UMAD1: variants seen among roughly 807,000 people sequenced by gnomAD.
UMAD1 encodes the protein UBAP1-MVB12-associated (UMA)-domain containing protein 1.
In UMAD1, 8 loss-of-function variants were observed where a neutral mutation model predicts 6.1. The observed-to-expected ratio is 1.30, with a 90% CI of 0.76 to 2.35. UMAD1 has a LOEUF of 2.35. UMAD1 is among the 30% of genes most tolerant of loss of function. The probability of loss-of-function intolerance (pLI) is 0.00; values close to 1 mark genes in which losing one functional copy is unlikely to be tolerated. For missense variants in UMAD1, 130 were observed against 78.4 expected, an observed-to-expected ratio of 1.66 and a Z score of -2.49; for synonymous variants, 56 against 31.4, an observed-to-expected ratio of 1.78 and a Z score of -2.61.
At chr7:7,760,100 G>A (rs1439562724) in intron 2 of UMAD1, among the ~76,000 whole-genome samples, 1 of 152,052 alleles carries the variant, frequency 6.6e-6, no homozygotes, top group Admixed American at 6.6e-5. Flanking sequence ...CTTGGAGCCC[G>A]GAGCCACCAT....
chr7:7,794,496 G>T (rs140022123), intron 2 of UMAD1, among the ~76,000 whole-genome samples: 141 of 152,276 alleles, frequency 9.3e-4, no homozygotes, highest in Admixed American at 1.8e-3. Flanking sequence ...CCCCCTCTGG[G>T]CCTCAAAAAC....
intron 3 of UMAD1, among the ~76,000 whole-genome samples, chr7:7,805,036 G>A (rs1323212956): frequency 2.6e-5 from 4 of 151,948 alleles, no homozygotes; most frequent in Admixed American, 6.6e-5. Context: ...ACTGCTGAAC[G>A]CTCGCTACCC....
At chr7:7,844,638 AT>A (rs1783750154) in intron 3 of UMAD1, among the ~76,000 whole-genome samples, 2 of 151,950 alleles carry the variant, frequency 1.3e-5, no homozygotes, top group African/African-American at 4.8e-5. Context: ...TCTTTTTTCC[AT>A]TTTAGTTCAA....
rs137915671 is a variant in UMAD1 at position 7,656,920 on chromosome 7, C to T, written c.-64+16099C>T. Among the ~76,000 whole-genome samples, 78 of 152,348 alleles carry T rather than the reference C, an allele frequency of 5.1e-4. 1 individual carries two copies. The highest frequency in any genetic ancestry group is 1.7e-3 in the African/African-American group (70 of 41,590). Reference sequence around the variant, plus strand: ...CTTCCACAATGGTTGAACTAATTTACACTTCCACCAACAGTGTTAAAAGCC... The same window carrying T: ...CTTCCACAATGGTTGAACTAATTTATACTTCCACCAACAGTGTTAAAAGCC... On this transcript the variant is annotated intron_variant, in intron 1 of 3. Transcript: ENST00000682710.
At chr7:7,866,411 T>A (rs1366600274) in intron 3 of UMAD1, among the ~76,000 whole-genome samples, 1 of 152,170 alleles carries the variant, frequency 6.6e-6, no homozygotes, top group Non-Finnish European at 1.5e-5. Context: ...GATGGTTACT[T>A]GGCCCACGTT....
At chr7:7,680,568 C>T (rs10246966) in intron 2 of UMAD1, among the ~76,000 whole-genome samples, 96,593 of 151,868 alleles carry the variant, frequency 0.64, 31,095 homozygotes, top group East Asian at 0.87. Context: ...TTTTCCATTT[C>T]TGTGAAGAAT....
chr7:7,792,670 G>C (rs948978463), intron 2 of UMAD1, among the ~76,000 whole-genome samples: 1 of 152,092 alleles, frequency 6.6e-6, no homozygotes, highest in African/African-American at 2.4e-5. Context: ...TTACATGTAC[G>C]GGCCTTCCCC....
chr7:7,812,603 G>T (rs1294093384), intron 3 of UMAD1, among the ~76,000 whole-genome samples: 1 of 151,938 alleles, frequency 6.6e-6, no homozygotes, highest in Non-Finnish European at 1.5e-5. Flanking sequence ...CTAGCTTTTT[G>T]TTTATCAAAT....
At chr7:7,644,277 T>A (rs997360812) in intron 1 of UMAD1, among the ~76,000 whole-genome samples, 1 of 152,114 alleles carries the variant, frequency 6.6e-6, no homozygotes, top group Admixed American at 6.5e-5. Context: ...TAAGAGCTTT[T>A]TATTAGTGAG....
intron 2 of UMAD1, among the ~76,000 whole-genome samples, chr7:7,801,449 C>G (rs906489232): frequency 6.6e-6 from 1 of 152,044 alleles, no homozygotes; most frequent in Non-Finnish European, 1.5e-5. Flanking sequence ...AAACAGGATA[C>G]ATTTAGGTTG....
At chr7:7,703,125 T>A (rs75909932) in intron 2 of UMAD1, among the ~76,000 whole-genome samples, 1,589 of 152,306 alleles carry the variant, frequency 0.01, 20 homozygotes, top group African/African-American at 0.035. Context: ...TTCATATAAT[T>A]GAATACAGCT....
At chr7:7,643,864 A>G (rs938985470) in intron 1 of UMAD1, among the ~76,000 whole-genome samples, 1 of 152,004 alleles carries the variant, frequency 6.6e-6, no homozygotes, top group African/African-American at 2.4e-5. Context: ...GTAAACTTCC[A>G]TTCCTGCTCT....
chr7:7,800,694 C>T (rs897315581), intron 2 of UMAD1, among the ~76,000 whole-genome samples: 17 of 152,116 alleles, frequency 1.1e-4, no homozygotes, highest in African/African-American at 4.1e-4. Context: ...TTGATTATAG[C>T]CATGAGTAAA....
chr7:7,752,373 A>G (rs1781694509), intron 2 of UMAD1, among the ~76,000 whole-genome samples: 1 of 152,164 alleles, frequency 6.6e-6, no homozygotes, highest in African/African-American at 2.4e-5. Context: ...CAAAATACGT[A>G]TCGAGAAAGA....
intron 2 of UMAD1, among the ~76,000 whole-genome samples, chr7:7,769,236 C>G (rs920235967): frequency 5.4e-4 from 82 of 152,160 alleles, no homozygotes; most frequent in African/African-American, 1.9e-3. Flanking sequence ...TCAGTGAAAA[C>G]TCAATAAATC....
chr7:7,837,372 C>T (rs529759088), intron 3 of UMAD1, among the ~76,000 whole-genome samples: 10 of 152,092 alleles, frequency 6.6e-5, no homozygotes, highest in African/African-American at 1.2e-4. Flanking sequence ...GAGGGAATGA[C>T]GAACTAAGAA....
chr7:7,700,326 G>T (rs1297802084), intron 2 of UMAD1, among the ~76,000 whole-genome samples: 1 of 152,086 alleles, frequency 6.6e-6, no homozygotes, highest in Non-Finnish European at 1.5e-5. Context: ...CCTCCCAAAG[G>T]TCTCCTAATA....
intron 3 of UMAD1, among the ~76,000 whole-genome samples, chr7:7,806,041 G>C (rs985185594): frequency 2.0e-5 from 3 of 152,088 alleles, no homozygotes; most frequent in African/African-American, 7.2e-5. Context: ...TTGTCCATCT[G>C]CCAGGTTAAA....
rs546498119 is a variant in UMAD1 at position 7,833,729 on chromosome 7, A to G, written c.156+31986A>G. ...CTGTGAAAAACGAATTAGAAAAACT[A>G]CACATATATGCTAAATATACAAAAC... On this transcript the variant is annotated intron_variant, in intron 3 of 3. Coordinates refer to ENST00000682710, the MANE Select transcript of UMAD1 (RefSeq NM_001302348.2). 5.3e-5 allele frequency among the ~76,000 whole-genome samples: 8 copies of G among 152,326 alleles called. No homozygotes were observed. The South Asian group carries it at 1.7e-3, about 32-fold the overall frequency.
Sources: allele counts gnomAD v4.1 joint callset (sites outside exome capture counted in the v4.1 genomes callset), GRCh38; gene constraint gnomAD v4.1.1; transcripts MANE v1.5; gene names NCBI Gene and HGNC (gene_info 2026-07-23, HGNC 2026-07-21).